Variants in FAM83D observed in about 807,000 individuals in gnomAD.
FAM83D encodes the protein protein FAM83D.
Under a neutral mutation model 25.4 loss-of-function variants are expected in FAM83D, and 26 were observed. That is an observed-to-expected ratio of 1.02 (90% CI 0.75 to 1.42). The LOEUF (loss-of-function observed/expected upper bound fraction) is 1.42. Among genes scored for constraint, FAM83D ranks in the 40% most tolerant of loss-of-function variants. The pLI, the probability that FAM83D is intolerant of heterozygous loss-of-function variation, is 0.00. For synonymous variants in FAM83D, 310 were observed against 318.5 expected (o/e 0.97, Z 0.28); for missense variants, 740 against 758.1 (o/e 0.98, Z 0.28).
rs775934002 is a variant in FAM83D at position 38,926,493 on chromosome 20, G to C, written c.51G>C (p.Ser17=). 2 of 1,596,796 alleles carry C rather than the reference G, an allele frequency of 1.3e-6. No homozygotes were observed. The highest frequency in any genetic ancestry group is 1.7e-6 in the Non-Finnish European group (2 of 1,178,038). Reference sequence around the variant, plus strand: ...ACGAGGTGCCCGCCGCCTGCCTGTCGCCGTGCGGGCCGCCCAACCCGACCG... The same window carrying C: ...ACGAGGTGCCCGCCGCCTGCCTGTCCCCGTGCGGGCCGCCCAACCCGACCG... ...GLDEVPAACL[S]PCGPPNPTEL... is the part of the protein sequence containing the mutation. The change falls in exon 1 of 4, where the codon TCG becomes TCC. Residue 17 remains serine, a synonymous_variant. Transcript: ENST00000619850.
intron 1 of FAM83D, among the ~76,000 whole-genome samples, chr20:38,930,900 T>TG (rs2085656342): frequency 2.0e-5 from 3 of 152,154 alleles, no homozygotes; most frequent in Non-Finnish European, 4.4e-5. Flanking sequence ...CCTCCCAAAA[T>TG]GCTGGGATTA....
At chr20:38,929,219 T>A (rs886557525) in intron 1 of FAM83D, among the ~76,000 whole-genome samples, 7 of 151,200 alleles carry the variant, frequency 4.6e-5, no homozygotes, top group African/African-American at 1.7e-4. Context: ...ATTTTCAGTG[T>A]GTCCGATAGA....
intron 1 of FAM83D, among the ~76,000 whole-genome samples, chr20:38,935,951 T>G (rs2085676981): frequency 6.6e-6 from 1 of 152,232 alleles, no homozygotes; most frequent in Non-Finnish European, 1.5e-5. Context: ...AAAATATATC[T>G]TTTGCTTTTT....
chr20:38,938,120 G>A (rs1431246381), intron 1 of FAM83D, among the ~76,000 whole-genome samples: 2 of 152,212 alleles, frequency 1.3e-5, no homozygotes, highest in Non-Finnish European at 2.9e-5. Context: ...ACAGGAAAGG[G>A]TGAGGCTTTA....
At chr20:38,930,657 T>G (rs1050740234) in intron 1 of FAM83D, among the ~76,000 whole-genome samples, 11 of 151,468 alleles carry the variant, frequency 7.3e-5, no homozygotes, top group Admixed American at 7.2e-4. Context: ...ATTTTTTCTT[T>G]TTTTTTTTGG....
chr20:38,934,011 C>T (rs909353354), intron 1 of FAM83D, among the ~76,000 whole-genome samples: 26 of 152,030 alleles, frequency 1.7e-4, no homozygotes, highest in African/African-American at 5.1e-4. Flanking sequence ...CCCGCTACCA[C>T]GCCCGGCTAA....
intron 2 of FAM83D, among the ~76,000 whole-genome samples, chr20:38,942,547 G>A (rs1334477199): frequency 6.6e-6 from 1 of 152,220 alleles, no homozygotes; most frequent in Non-Finnish European, 1.5e-5. Flanking sequence ...AAGGAAACCG[G>A]TCACAAAAGA....
At chr20:38,951,212 G>A (rs2085752274) in intron 3 of FAM83D, among the ~76,000 whole-genome samples, 2 of 152,298 alleles carry the variant, frequency 1.3e-5, no homozygotes, top group Admixed American at 6.5e-5. Flanking sequence ...TGAGGTGGGA[G>A]GACTGCCTGA....
At chr20:38,927,075 T>C in intron 1 of FAM83D, 150 bp downstream of exon 1, 3 of 1,331,782 alleles carry the variant, frequency 2.3e-6, no homozygotes, top group Non-Finnish European at 2.9e-6. Flanking sequence ...GGTCTCCGAC[T>C]CACACCCCAC....
chr20:38,939,648 G>T (rs1219009029), intron 1 of FAM83D, among the ~76,000 whole-genome samples: 1 of 152,130 alleles, frequency 6.6e-6, no homozygotes, highest in Admixed American at 6.5e-5. Flanking sequence ...ATCATGCCCG[G>T]CCCCCTTAGT....
chr20:38,946,212 A>C (rs1018502623), intron 2 of FAM83D, among the ~76,000 whole-genome samples: 14 of 152,068 alleles, frequency 9.2e-5, no homozygotes, highest in Middle Eastern at 3.4e-3. Flanking sequence ...AAAAAAAAAA[A>C]AAAAAAAACA....
At chr20:38,942,257 C>CTCA in intron 2 of FAM83D, 131 bp downstream of exon 2, 1 of 950,084 alleles carries the variant, frequency 1.1e-6, no homozygotes, top group Non-Finnish European at 1.6e-6. Flanking sequence ...AAGTCATTTG[C>CTCA]CTGGTCTTAC....
At chr20:38,951,279 C>T (rs531511530) in intron 3 of FAM83D, among the ~76,000 whole-genome samples, 52 of 152,116 alleles carry the variant, frequency 3.4e-4, no homozygotes, top group Non-Finnish European at 7.1e-4. Flanking sequence ...TCAAAACAAA[C>T]AAACAAACAA....
At chr20:38,947,252 C>T (rs773907754) in intron 2 of FAM83D, among the ~76,000 whole-genome samples, 9 of 152,116 alleles carry the variant, frequency 5.9e-5, no homozygotes, top group Admixed American at 6.5e-5. Context: ...TACCAGTGTA[C>T]GTTTTTGGTA....
intron 1 of FAM83D, among the ~76,000 whole-genome samples, chr20:38,932,113 CG>C (rs1185682574): frequency 3.3e-5 from 5 of 152,232 alleles, no homozygotes; most frequent in Non-Finnish European, 7.3e-5. Flanking sequence ...TGGCCATGCG[CG>C]GTGGCTCATG....
In FAM83D at chr20:38,931,066, G is replaced by C. The variant is rs575407147; in HGVS notation, c.483+4141G>C. Among the ~76,000 whole-genome samples the C allele has an allele frequency of 3.3e-5, 5 of 152,326 alleles. No individual in the cohort carries two copies. In the East Asian group the frequency reaches 9.7e-4, roughly 29 times the overall value. On this transcript the variant is annotated intron_variant, in intron 1 of 3. Coordinates refer to ENST00000619850, the MANE Select transcript of FAM83D (RefSeq NM_030919.3). ...ATTACAGGCGTGAGCCGCTGTGCCCGGCCACTGAAGCCCACACTCCTAATC... is the reference window on the plus strand; with the variant it reads ...ATTACAGGCGTGAGCCGCTGTGCCCCGCCACTGAAGCCCACACTCCTAATC...
rs2085634964 is a variant in FAM83D at position 38,926,504 on chromosome 20, C to A, written c.62C>A (p.Pro21Gln). Reference sequence around the variant, plus strand: ...GCCGCCTGCCTGTCGCCGTGCGGGCCGCCCAACCCGACCGAGCTGTTCAGC... The same window carrying A: ...GCCGCCTGCCTGTCGCCGTGCGGGCAGCCCAACCCGACCGAGCTGTTCAGC... The part of the protein sequence containing the change: ...VPAACLSPCG[P>Q]PNPTELFSES... Residue 21 changes from proline (P) to glutamine (Q), a missense_variant, in exon 1 of 4, where the codon CCG becomes CAG. Coordinates refer to ENST00000619850, the MANE Select transcript of FAM83D (RefSeq NM_030919.3). The A allele has an allele frequency of 1.9e-6, 3 of 1,596,020 alleles. No individual in the cohort carries two copies. Among genetic ancestry groups the A allele is most frequent in the African/African-American group, 1.3e-5 (1 of 74,738 alleles).
rs201681191 is a variant in FAM83D, at chr20:38,951,719, A to G, written c.957A>G (p.Pro319=). 57 of 1,614,002 alleles carry G rather than the reference A, an allele frequency of 3.5e-5. No homozygotes were observed. The highest frequency in any genetic ancestry group is 3.3e-4 in the East Asian group (15 of 44,900). Residue 319 remains proline, a synonymous_variant, in exon 4 of 4, where the codon CCA becomes CCG. Transcript: ENST00000619850. The stretch of plus-strand genomic sequence containing the variant: ...TTGATCACCTCACCAACCGAAAACC[A>G]CAGTCCAAGGAGCTCACCCTGGGCA... ...NKFDHLTNRK[P]QSKELTLGNL...
chr20:38,949,401 C>G (rs1032378596), intron 3 of FAM83D, among the ~76,000 whole-genome samples: 1 of 152,162 alleles, frequency 6.6e-6, no homozygotes, highest in African/African-American at 2.4e-5. Flanking sequence ...CTCAGGTGAT[C>G]CGCTGGCCTC....
Sources: gnomAD v4.1 joint callset for allele counts (sites outside exome capture counted in the v4.1 genomes callset) on GRCh38, gnomAD v4.1.1 for gene constraint, MANE v1.5 for transcripts, NCBI Gene and HGNC (gene_info 2026-07-23, HGNC 2026-07-21) for gene names.